The following PCDHGA3 variants were observed in gnomAD, a reference collection of about 807,000 sequenced individuals.
The protein encoded by PCDHGA3 is protocadherin gamma subfamily A, 3, also known as protocadherin gamma-A3.
PCDHGA3 carries 40 observed loss-of-function variants against 58.5 expected under a neutral mutation model. The observed-to-expected ratio is 0.68, with a 90% CI of 0.53 to 0.89. The LOEUF is 0.89. Ranked by LOEUF, PCDHGA3 falls within the 40% of genes least tolerant of loss-of-function variation. PCDHGA3 has a pLI of 0.00. For missense variants in PCDHGA3, 1,223 were observed against 1,195.9 expected, an observed-to-expected ratio of 1.02 and a Z score of -0.33; for synonymous variants, 530 against 525.7, an observed-to-expected ratio of 1.01 and a Z score of -0.11.
Position 141,344,870 on chromosome 5 carries a change from T to C in PCDHGA3, c.837T>C (p.Tyr279=). Residue 279 remains tyrosine (Y), a synonymous_variant, in exon 1 of 4, where the codon TAT becomes TAC. Coordinates refer to ENST00000253812, the MANE Select transcript of PCDHGA3 (RefSeq NM_018916.4). ...PDEGFNAQVS[Y]ILDKMPGKIA... ...AGGGATTCAATGCTCAAGTGTCTTA[T>C]ATTCTAGATAAAATGCCTGGGAAAA... The C allele has an allele frequency of 1.2e-6, 2 of 1,613,988 alleles. No individual in the cohort carries two copies. Among genetic ancestry groups the C allele is most frequent in the Non-Finnish European group, 1.7e-6 (2 of 1,179,872 alleles).
intron 1 of PCDHGA3, chr5:141,393,026 G>A (rs1215893899): frequency 1.2e-6 from 2 of 1,613,832 alleles, no homozygotes; most frequent in East Asian, 4.5e-5. Context: ...CCAGAGGTAG[G>A]ACGCAGCTCT....
At chr5:141,349,156 T>C (rs1206412150) in intron 1 of PCDHGA3, among the ~76,000 whole-genome samples, 1 of 152,162 alleles carries the variant, frequency 6.6e-6, no homozygotes, top group Non-Finnish European at 1.5e-5. Flanking sequence ...CTGCAACCTC[T>C]GCCTCCTGAG....
intron 1 of PCDHGA3, among the ~76,000 whole-genome samples, chr5:141,475,204 A>G (rs2099360413): frequency 6.6e-6 from 1 of 152,176 alleles, no homozygotes; most frequent in African/African-American, 2.4e-5. Flanking sequence ...AGATCTTGGG[A>G]AAAGGATTGA....
Position 141,486,998 on chromosome 5 carries a change from C to G in PCDHGA3, c.2425-7809C>G, listed in dbSNP as rs754609128. On this transcript the variant is annotated intron_variant, in intron 1 of 3. Coordinates refer to ENST00000253812, the MANE Select transcript of PCDHGA3 (RefSeq NM_018916.4). The surrounding 1 kb of genome is among the most constrained non-coding windows in gnomAD (Gnocchi z 5.0). ...AGGTTACAATGCTTGGGTTTCCTAT[C>G]AGCTCCTGGAGGCCCCAGATCCCAG... The G allele has an allele frequency of 6.2e-7, 1 of 1,614,206 alleles. No homozygotes were observed. Among genetic ancestry groups the G allele is most frequent in the Non-Finnish European group, 8.5e-7 (1 of 1,180,034 alleles).
chr5:141,356,651 A>G (rs1457721502), intron 1 of PCDHGA3: 1 of 1,614,048 alleles, frequency 6.2e-7, no homozygotes, highest in African/African-American at 1.3e-5. Flanking sequence ...AGTGGTGACA[A>G]TGCCCGAATC....
At chr5:141,414,583 G>A (rs570765907) in intron 1 of PCDHGA3, 1 of 1,613,736 alleles carries the variant, frequency 6.2e-7, no homozygotes, top group Non-Finnish European at 8.5e-7. Context: ...AGAGAACAAC[G>A]CCAGGGGTGC....
chr5:141,366,737 G>GAAC, intron 1 of PCDHGA3: 2 of 1,612,444 alleles, frequency 1.2e-6, no homozygotes, highest in Non-Finnish European at 1.7e-6. Context: ...AAACAAAGAA[G>GAAC]AACGGCGAGT....
intron 2 of PCDHGA3, among the ~76,000 whole-genome samples, chr5:141,499,675 T>A (rs1426498530): frequency 2.0e-5 from 3 of 150,746 alleles, no homozygotes; most frequent in African/African-American, 7.3e-5. Flanking sequence ...GTCTCCACCA[T>A]CTTTAACAGA....
intron 1 of PCDHGA3, chr5:141,384,121 A>G (rs1779757093): frequency 1.2e-6 from 2 of 1,609,374 alleles, no homozygotes; most frequent in African/African-American, 1.3e-5. Context: ...GGTCACAACC[A>G]AAAACTTGGA....
chr5:141,373,880 A>T, intron 1 of PCDHGA3: 1 of 466,736 alleles, frequency 2.1e-6, no homozygotes, highest in Non-Finnish European at 3.6e-6. Context: ...CAAGAAAATC[A>T]ACGGAAACTC....
At chr5:141,434,070 T>C (rs1004240895) in intron 1 of PCDHGA3, among the ~76,000 whole-genome samples, 3 of 152,226 alleles carry the variant, frequency 2.0e-5, no homozygotes, top group Non-Finnish European at 2.9e-5. Context: ...TCTGTTAATA[T>C]CAATTATTTA....
chr5:141,430,830 G>C, intron 1 of PCDHGA3: 1 of 1,554,968 alleles, frequency 6.4e-7, no homozygotes, highest in Non-Finnish European at 8.7e-7. Context: ...GGGACTCTGT[G>C]GGAGACCGGA....
Position 141,431,972 on chromosome 5 carries a change from G to T in PCDHGA3, c.2425-62835G>T, listed in dbSNP as rs750484866. On this transcript the variant is annotated intron_variant, in intron 1 of 3. Coordinates refer to ENST00000253812, the MANE Select transcript of PCDHGA3 (RefSeq NM_018916.4). The surrounding 1 kb of genome is among the most constrained non-coding windows in gnomAD (Gnocchi z 4.8). ...ATCTTACGGAAATTACTATAGTTTA[G>T]TCACAGACATAGTCTTGGATAGGGA... is the stretch of plus-strand genomic sequence containing the variant. The T allele has an allele frequency of 8.1e-6, 13 of 1,614,072 alleles. No homozygotes were observed. Among genetic ancestry groups the T allele is most frequent in the Non-Finnish European group, 1.1e-5 (13 of 1,180,028 alleles).
rs773174763 is a variant in PCDHGA3 at position 141,477,409 on chromosome 5, C to T, written c.2425-17398C>T. The T allele has an allele frequency of 1.4e-5, 22 of 1,614,058 alleles. No homozygotes were observed. The highest frequency in any genetic ancestry group is 1.7e-5 in the Admixed American group (1 of 60,006). On this transcript the variant is annotated intron_variant, in intron 1 of 3. Transcript: ENST00000253812. This position sits in a 1 kb window ranked among gnomAD's most constrained non-coding sequence, Gnocchi z 4.9. ...ACAACCTCAGCATCACCGCCCGAGA[C>T]GCCGGAACCCCTTCCCTCTCAGCCC...
At chr5:141,500,244 T>C (rs1426405294) in intron 2 of PCDHGA3, among the ~76,000 whole-genome samples, 1 of 151,640 alleles carries the variant, frequency 6.6e-6, no homozygotes, top group Non-Finnish European at 1.5e-5. Context: ...AGCCTTGCTC[T>C]GTCACCCAGG....
intron 1 of PCDHGA3, chr5:141,355,945 G>A: frequency 1.2e-6 from 2 of 1,613,848 alleles, no homozygotes; most frequent in East Asian, 4.5e-5. Flanking sequence ...CGAGTACCAC[G>A]TAAGTGTTCG....
rs370949279 is a variant in PCDHGA3, at chr5:141,345,340, C to A, written c.1307C>A (p.Thr436Asn). 1.2e-6 allele frequency: 2 copies of A among 1,613,940 alleles called. No individual in the cohort carries two copies. Among genetic ancestry groups the A allele is most frequent in the African/African-American group, 1.3e-5 (1 of 74,922 alleles). Residue 436 changes from threonine (T) to asparagine (N), a missense_variant, in exon 1 of 4, where the codon ACT becomes AAT. Around this residue, in one of 3 missense-constraint regions of PCDHGA3, gnomAD observed 791 missense variants for 708.5 expected, o/e 1.12. Coordinates refer to ENST00000253812, the MANE Select transcript of PCDHGA3 (RefSeq NM_018916.4). ...DGGSPPLSTE[T>N]HITLHVIDIN... ...GGAAGCCCGCCACTGTCCACAGAAACTCACATCACCCTGCATGTGATTGAC... is the reference window on the plus strand; with the variant it reads ...GGAAGCCCGCCACTGTCCACAGAAAATCACATCACCCTGCATGTGATTGAC...
chr5:141,511,202 C>T lies in PCDHGA3; in HGVS notation c.*29C>T, dbSNP rs201024828. 2.0e-3 allele frequency: 3,296 copies of T among 1,612,132 alleles called. 7 individuals carry two copies. Among genetic ancestry groups the T allele is most frequent in the Middle Eastern group, 0.013 (77 of 6,006 alleles). On this transcript the variant is annotated 3_prime_UTR_variant, in exon 4 of 4. Coordinates refer to ENST00000253812, the MANE Select transcript of PCDHGA3 (RefSeq NM_018916.4). ...GGAGGCCAGGCCAAGAGCCACAGGG[C>T]GGCCTCTCCCCAACCAGCCCAGCTT...
In PCDHGA3 at chr5:141,403,638, A is replaced by G. The variant is rs373036061; in HGVS notation, c.2424+57181A>G. On this transcript the variant is annotated intron_variant, in intron 1 of 3. Coordinates refer to ENST00000253812, the MANE Select transcript of PCDHGA3 (RefSeq NM_018916.4). ...CGTCGCTCCAGCACAGTGCGCATCCATGTGACAGTGTTGGATACAAATGAT... is the reference window on the plus strand; with the variant it reads ...CGTCGCTCCAGCACAGTGCGCATCCGTGTGACAGTGTTGGATACAAATGAT... The G allele has an allele frequency of 1.5e-5, 25 of 1,613,906 alleles. No individual in the cohort carries two copies. The East Asian group carries it at 4.5e-4, about 29-fold the overall frequency.
Sources: allele counts gnomAD v4.1 joint callset (sites outside exome capture counted in the v4.1 genomes callset), GRCh38; gene constraint gnomAD v4.1.1; regional missense constraint gnomAD v4.1.1; non-coding constraint Gnocchi (gnomAD v3.1); transcripts MANE v1.5; gene names NCBI Gene and HGNC (gene_info 2026-07-23, HGNC 2026-07-21).